ARHGAP23: variants seen among roughly 807,000 people sequenced by gnomAD.
ARHGAP23 encodes Rho GTPase activating protein 23, also known as rho GTPase-activating protein 23.
In ARHGAP23, 34 loss-of-function variants were observed where a neutral mutation model predicts 136.3. The observed-to-expected ratio is 0.25, with a 90% CI of 0.19 to 0.33. ARHGAP23 has a LOEUF of 0.33. Ranked by LOEUF, ARHGAP23 falls within the 10% of genes least tolerant of loss-of-function variation. The pLI is 1.00. For missense variants in ARHGAP23, 1,808 were observed against 2,139.0 expected, an observed-to-expected ratio of 0.85 and a Z score of 3.05; for synonymous variants, 832 against 920.5, an observed-to-expected ratio of 0.90 and a Z score of 1.74.
intron 1 of ARHGAP23, among the ~76,000 whole-genome samples, chr17:38,447,437 G>GGAAAAAAAAAA (rs2039058824): frequency 7.8e-5 from 2 of 25,636 alleles, no homozygotes; most frequent in African/African-American, 1.5e-4. Flanking sequence ...GACTCCGTCT[G>GGAAAAAAAAAA]AAAAAAAAAA....
intron 20 of ARHGAP23, among the ~76,000 whole-genome samples, chr17:38,493,158 C>A (rs949814481): frequency 2.4e-5 from 1 of 41,294 alleles, no homozygotes; most frequent in African/African-American, 2.3e-4. Flanking sequence ...TTACGTCAGG[C>A]TGGGTTTTCT....
rs35763241 is a variant in ARHGAP23, at chr17:38,491,080, A to ATT, written c.3151-326_3151-325dup. ...ATTACAGGCACCTGGAAGTGATCGG[A>ATT]TTATTTCCCAGGCCTAAAATAACCC... On this transcript the variant is annotated intron_variant, in intron 19 of 23. Coordinates refer to ENST00000622683, the MANE Select transcript of ARHGAP23 (RefSeq NM_001199417.2). Among the ~76,000 whole-genome samples, 5 of 151,738 alleles carry ATT rather than the reference A, an allele frequency of 3.3e-5. No homozygotes were observed. In the South Asian group the frequency reaches 1.0e-3, roughly 32 times the overall value.
chr17:38,427,322 G>A (rs1297742330), upstream of ARHGAP23, among the ~76,000 whole-genome samples: 2 of 152,180 alleles, frequency 1.3e-5, no homozygotes, highest in Non-Finnish European at 2.9e-5. Context: ...AAGTTAGGTG[G>A]GCGGTGTGGC....
intron 1 of ARHGAP23, among the ~76,000 whole-genome samples, chr17:38,457,044 G>A (rs1391282835): frequency 6.6e-6 from 1 of 152,142 alleles, no homozygotes; most frequent in African/African-American, 2.4e-5. Flanking sequence ...TGAGTAGCTG[G>A]GATTACAGGC....
At chr17:38,458,912 C>A (rs2039394523) in intron 2 of ARHGAP23, among the ~76,000 whole-genome samples, 1 of 152,226 alleles carries the variant, frequency 6.6e-6, no homozygotes, top group Non-Finnish European at 1.5e-5. Context: ...CTTGACCCCT[C>A]AGAGTCCCTC....
intron 1 of ARHGAP23, among the ~76,000 whole-genome samples, chr17:38,429,973 C>T (rs1403856138): frequency 6.6e-6 from 1 of 152,140 alleles, no homozygotes; most frequent in Non-Finnish European, 1.5e-5. Flanking sequence ...CCAGTCATTT[C>T]GCCTCCAAAG....
chr17:38,451,175 T>C (rs1439038599), intron 1 of ARHGAP23: 1 of 152,226 alleles, frequency 6.6e-6, no homozygotes, highest in East Asian at 1.9e-4. Flanking sequence ...GAGGATCATT[T>C]ATTCAAGCTA....
intron 17 of ARHGAP23, among the ~76,000 whole-genome samples, chr17:38,486,388 C>T (rs891877369): frequency 6.6e-6 from 1 of 151,986 alleles, no homozygotes; most frequent in African/African-American, 2.4e-5. Context: ...CCACCACACC[C>T]AGCTAATTTA....
rs188301024 is a variant in ARHGAP23, at chr17:38,430,940, C to T, written c.63+2392C>T. Among the ~76,000 whole-genome samples the T allele has an allele frequency of 2.4e-3, 365 of 152,276 alleles. 4 individuals are homozygous for T. The highest frequency in any genetic ancestry group is 0.024 in the Middle Eastern group (7 of 294). ...CCTGGCCAGTATTTATAAAAACTAC[C>T]TCATTTGATCCTCACAATACCACTA... On this transcript the variant is annotated intron_variant, in intron 1 of 23. Transcript: ENST00000622683.
At chr17:38,501,013 A>T (rs953609545) in intron 23 of ARHGAP23, 1 of 206,078 alleles carries the variant, frequency 4.9e-6, no homozygotes, top group African/African-American at 2.3e-5. Flanking sequence ...ATAAAATGGG[A>T]ATATCAGTAA....
chr17:38,460,648 G>A (rs2039436969), intron 2 of ARHGAP23, among the ~76,000 whole-genome samples: 1 of 152,192 alleles, frequency 6.6e-6, no homozygotes, highest in Admixed American at 6.5e-5. Flanking sequence ...CCCCAGGGAA[G>A]GGGTCTTGGG....
In ARHGAP23 at chr17:38,422,415, A is replaced by G. The variant is rs567691433; in HGVS notation, n.120+3016A>G. On this transcript the variant is annotated intron_variant and non_coding_transcript_variant, in intron 1 of 4. Transcript: ENST00000633445. ...TAAGGCATCTTTGAGCCTCGCGCAC[A>G]CTCACTCATACACAGGGTCCGTGCC... Among the ~76,000 whole-genome samples the G allele has an allele frequency of 2.2e-3, 332 of 152,160 alleles. 2 individuals carry two copies. Among genetic ancestry groups the G allele is most frequent in the African/African-American group, 7.8e-3 (324 of 41,494 alleles).
rs1567819922 is a variant in ARHGAP23 at position 38,490,082 on chromosome 17, G to A, written c.2987-20G>A. The A allele has an allele frequency of 6.4e-7, 1 of 1,551,240 alleles. No individual in the cohort carries two copies. The highest frequency in any genetic ancestry group is 8.7e-7 in the Non-Finnish European group (1 of 1,146,486). On this transcript the variant is annotated intron_variant, in intron 17 of 23. Coordinates refer to ENST00000622683, the MANE Select transcript of ARHGAP23 (RefSeq NM_001199417.2). Reference sequence around the variant, plus strand: ...AAGGCGCTGCCCCCACCTCTCTAAAGAGTCTCCGCTGTGTTCTAGACAAAT... The same window carrying A: ...AAGGCGCTGCCCCCACCTCTCTAAAAAGTCTCCGCTGTGTTCTAGACAAAT...
intron 11 of ARHGAP23, among the ~76,000 whole-genome samples, chr17:38,476,982 C>T (rs1221186320): frequency 6.6e-6 from 1 of 151,990 alleles, no homozygotes; most frequent in African/African-American, 2.4e-5. Context: ...GTCTCAGGTG[C>T]CGAGATAGGG....
At chr17:38,455,781 A>C (rs537655950) in intron 1 of ARHGAP23, among the ~76,000 whole-genome samples, 1 of 152,180 alleles carries the variant, frequency 6.6e-6, no homozygotes, top group African/African-American at 2.4e-5. Context: ...CTCCCTGATC[A>C]GTTCCTTGCC....
intron 19 of ARHGAP23, among the ~76,000 whole-genome samples, chr17:38,491,083 A>T (rs35500188): frequency 0.69 from 103,929 of 151,668 alleles, 36,767 homozygotes; most frequent in East Asian, 0.91. Context: ...TGATCGGATT[A>T]TTTCCCAGGC....
chr17:38,486,232 C>CT lies in ARHGAP23; in HGVS notation c.2986+107dup, dbSNP rs71138626. ...TTGCATTTGGTTTGTTGGTTTTACT[C>CT]TTTTTTTTTTTTTTTGAGACAGTCT... On this transcript the variant is annotated intron_variant, in intron 17 of 23. Coordinates refer to ENST00000622683, the MANE Select transcript of ARHGAP23 (RefSeq NM_001199417.2). The CT allele has an allele frequency of 4.3e-3, 3,416 of 794,014 alleles. 8 individuals are homozygous for CT. The highest frequency in any genetic ancestry group is 0.02 in the African/African-American group (1,050 of 53,092). 49.2% of individuals were successfully genotyped at this position (794,014 alleles called of 1,614,324 possible). A position where few individuals can be genotyped will look rare whatever the true frequency, so the allele number is the denominator to read the frequency against.
At chr17:38,506,635 A>G (rs997952892) in intron 23 of ARHGAP23, among the ~76,000 whole-genome samples, 4 of 152,152 alleles carry the variant, frequency 2.6e-5, no homozygotes, top group African/African-American at 9.7e-5. Flanking sequence ...TTACAAGGCA[A>G]GGCAGAAAGA....
chr17:38,503,653 C>A (rs1395083362), intron 23 of ARHGAP23, among the ~76,000 whole-genome samples: 7 of 152,212 alleles, frequency 4.6e-5, no homozygotes, highest in Non-Finnish European at 8.8e-5. Context: ...CTCCCGGAAG[C>A]CTCCTGGCTT....
Sources: gnomAD v4.1 joint callset for allele counts (sites outside exome capture counted in the v4.1 genomes callset) on GRCh38, gnomAD v4.1.1 for gene constraint, MANE v1.5 for transcripts, NCBI Gene and HGNC (gene_info 2026-07-23, HGNC 2026-07-21) for gene names.